The following IL1RAPL1 variants were observed in gnomAD, a reference collection of about 807,000 sequenced individuals.
The protein encoded by IL1RAPL1 is interleukin 1 receptor accessory protein like 1, also known as interleukin-1 receptor accessory protein-like 1.
IL1RAPL1 carries 3 observed loss-of-function variants against 48.4 expected under a neutral mutation model. The ratio of observed to expected loss-of-function variants is 0.06; its 90% CI spans 0.03 to 0.16. The LOEUF (loss-of-function observed/expected upper bound fraction) is 0.16, where lower values mean the gene tolerates loss of function less well. Ranked by LOEUF, IL1RAPL1 falls within the 10% of genes least tolerant of loss-of-function variation. IL1RAPL1 has a pLI of 1.00. For missense variants in IL1RAPL1, 349 were observed against 530.6 expected, an observed-to-expected ratio of 0.66 and a Z score of 3.36; for synonymous variants, 185 against 187.7, an observed-to-expected ratio of 0.99 and a Z score of 0.12.
chrX:29,291,272 A>G (rs1016243592), intron 3 of IL1RAPL1, among the ~76,000 whole-genome samples: 3 of 111,760 alleles, frequency 2.7e-5, no homozygotes, highest in Admixed American at 1.9e-4. Context: ...TAAACCAAAT[A>G]TCCCCATTTG....
At chrX:29,420,205 A>G (rs1397537589) in intron 5 of IL1RAPL1, among the ~76,000 whole-genome samples, 1 of 112,194 alleles carries the variant, frequency 8.9e-6, no homozygotes, top group Non-Finnish European at 1.9e-5. Context: ...GTTAAATTAA[A>G]TCACTGAAAT....
At chrX:29,145,101 C>G (rs1356584374) in intron 2 of IL1RAPL1, among the ~76,000 whole-genome samples, 1 of 110,732 alleles carries the variant, frequency 9.0e-6, no homozygotes, top group Non-Finnish European at 1.9e-5. Flanking sequence ...TTGAGAGATA[C>G]GGACATAATA....
At chrX:29,800,411 G>A (rs1025409432) in intron 6 of IL1RAPL1, among the ~76,000 whole-genome samples, 3 of 110,072 alleles carry the variant, frequency 2.7e-5, no homozygotes, top group South Asian at 7.8e-4. Context: ...TCTAACTTAA[G>A]TTACCATATG....
rs187957254 is a variant in IL1RAPL1, at chrX:29,843,793, G to C, written c.779-73671G>C. ...CAATTCTCTCTCTCTCTCTCTCTCT[G>C]TGTGTCTCTCTCTCTCATCTCTACT... is the stretch of plus-strand genomic sequence containing the variant. On this transcript the variant is annotated intron_variant, in intron 6 of 10. Coordinates refer to ENST00000378993, the MANE Select transcript of IL1RAPL1 (RefSeq NM_014271.4). Among the ~76,000 whole-genome samples, 378 of 104,721 alleles carry C rather than the reference G, an allele frequency of 3.6e-3. 1 individual carries two copies. Among genetic ancestry groups the C allele is most frequent in the South Asian group, 0.021 (50 of 2,391 alleles). The allele number at this position is 104,721 out of a possible 115,157, so 90.9% of individuals were successfully genotyped here.
rs565350824 is a variant in IL1RAPL1 at position 29,341,998 on chromosome X, G to A, written c.363-54260G>A. ...TAATTTTTATATTTTTACTAGAGAC[G>A]GGGTTTCACCATGTTGGCCAGGCTG... On this transcript the variant is annotated intron_variant, in intron 3 of 10. Coordinates refer to ENST00000378993, the MANE Select transcript of IL1RAPL1 (RefSeq NM_014271.4). Among the ~76,000 whole-genome samples the A allele has an allele frequency of 9.1e-5, 10 of 109,619 alleles. No homozygotes were observed. In the South Asian group the frequency reaches 2.8e-3, roughly 31 times the overall value.
rs62586225 is a variant in IL1RAPL1 at position 29,217,769 on chromosome X, T to A, written c.83-65169T>A. On this transcript the variant is annotated intron_variant, in intron 2 of 10. Transcript: ENST00000378993. ...TTTATACATTTTTTCTCTCTCTCTCTCTCTCTCTCACACACACACACACAC... is the reference window on the plus strand; with the variant it reads ...TTTATACATTTTTTCTCTCTCTCTCACTCTCTCTCACACACACACACACAC... Among the ~76,000 whole-genome samples, 6 of 71,134 alleles carry A rather than the reference T, an allele frequency of 8.4e-5. 1 individual carries two copies. 61.8% of individuals were successfully genotyped at this position (71,134 alleles called of 115,157 possible).
chrX:29,841,607 A>G (rs1931137300), intron 6 of IL1RAPL1, among the ~76,000 whole-genome samples: 1 of 111,739 alleles, frequency 8.9e-6, no homozygotes, highest in African/African-American at 3.2e-5. Context: ...TGATACAAAG[A>G]TGATAAACCA....
intron 2 of IL1RAPL1, among the ~76,000 whole-genome samples, chrX:29,006,038 A>G (rs2147391289): frequency 9.0e-6 from 1 of 111,596 alleles, no homozygotes; most frequent in Non-Finnish European, 1.9e-5. Flanking sequence ...ATCTCCCCAG[A>G]TCTACATCCA....
At chrX:29,263,877 C>A (rs1407257618) in intron 2 of IL1RAPL1, among the ~76,000 whole-genome samples, 1 of 91,289 alleles carries the variant, frequency 1.1e-5, no homozygotes, top group Non-Finnish European at 2.1e-5. Flanking sequence ...CCCCCGCTCT[C>A]ATAGAGCAAT....
At chrX:28,876,918 C>T (rs1389052517) in intron 2 of IL1RAPL1, among the ~76,000 whole-genome samples, 2 of 111,436 alleles carry the variant, frequency 1.8e-5, no homozygotes, top group Non-Finnish European at 3.8e-5. Context: ...GAGTACAGAC[C>T]AGCTATGGAC....
At chrX:29,405,435 C>G (rs5973422) in intron 5 of IL1RAPL1, among the ~76,000 whole-genome samples, 1,726 of 96,447 alleles carry the variant, frequency 0.018, 70 homozygotes, top group Non-Finnish European at 0.025. Context: ...GGCGGGATCT[C>G]GGCTCACTGC....
At chrX:29,300,024 G>A (rs1468789525) in intron 3 of IL1RAPL1, among the ~76,000 whole-genome samples, 3 of 111,354 alleles carry the variant, frequency 2.7e-5, no homozygotes, top group African/African-American at 9.8e-5. Flanking sequence ...TGTGATCTCT[G>A]CTCTCTTTTG....
intron 2 of IL1RAPL1, among the ~76,000 whole-genome samples, chrX:29,011,802 G>A (rs1168282223): frequency 1.8e-5 from 2 of 112,390 alleles, no homozygotes; most frequent in Non-Finnish European, 3.8e-5. Flanking sequence ...AGTCTACAAA[G>A]CTATTTTTAA....
chrX:29,073,800 C>T (rs1927615750), intron 2 of IL1RAPL1, among the ~76,000 whole-genome samples: 1 of 111,254 alleles, frequency 9.0e-6, no homozygotes. Flanking sequence ...TAAAAATAAT[C>T]TTCCCAACAA....
At chrX:29,948,423 T>G (rs1933252102) in intron 9 of IL1RAPL1, among the ~76,000 whole-genome samples, 1 of 111,728 alleles carries the variant, frequency 9.0e-6, no homozygotes. Context: ...CAAAATTTAT[T>G]AAGACAATGA....
At chrX:29,291,390 G>A (rs1932368270) in intron 3 of IL1RAPL1, among the ~76,000 whole-genome samples, 1 of 110,897 alleles carries the variant, frequency 9.0e-6, no homozygotes, top group Non-Finnish European at 1.9e-5. Flanking sequence ...CCCAAGGAGA[G>A]TAAATATACT....
chrX:29,299,734 A>C (rs780964303), intron 3 of IL1RAPL1, among the ~76,000 whole-genome samples: 2 of 112,355 alleles, frequency 1.8e-5, no homozygotes, highest in Non-Finnish European at 3.8e-5. Flanking sequence ...GCATGCATAC[A>C]GATGATTCTT....
intron 2 of IL1RAPL1, among the ~76,000 whole-genome samples, chrX:28,993,126 G>A (rs1300718416): frequency 1.8e-5 from 2 of 111,582 alleles, no homozygotes; most frequent in African/African-American, 6.5e-5. Context: ...GCGAGTAAAG[G>A]GTATATGGCA....
At chrX:29,858,189 T>TA (rs1267802481) in intron 6 of IL1RAPL1, among the ~76,000 whole-genome samples, 1 of 111,649 alleles carries the variant, frequency 9.0e-6, no homozygotes, top group Non-Finnish European at 1.9e-5. Flanking sequence ...AACACCCTTC[T>TA]ATGAGAAGAA....
Sources: gnomAD v4.1 joint callset for allele counts (sites outside exome capture counted in the v4.1 genomes callset) on GRCh38, gnomAD v4.1.1 for gene constraint, MANE v1.5 for transcripts, NCBI Gene and HGNC (gene_info 2026-07-23, HGNC 2026-07-21) for gene names.